Variants in PCDHA10 observed in about 807,000 individuals in gnomAD.
PCDHA10 encodes protocadherin alpha 10.
A neutral mutation model predicts 61.2 loss-of-function variants in PCDHA10; 45 were observed. The observed-to-expected ratio is 0.74, with a 90% CI of 0.58 to 0.94. PCDHA10 has a LOEUF of 0.94. Ranked by LOEUF, PCDHA10 falls within the 40% of genes least tolerant of loss-of-function variation. The pLI is 0.00. For synonymous variants in PCDHA10, 602 were observed against 548.8 expected (o/e 1.10, Z -1.35); for missense variants, 1,278 against 1,236.2 (o/e 1.03, Z -0.51).
intron 1 of PCDHA10, chr5:140,884,108 G>A (rs782424793): frequency 3.1e-6 from 5 of 1,613,286 alleles, no homozygotes; most frequent in Admixed American, 3.3e-5. Context: ...ATTGCAGCTG[G>A]CGGCGGTCGG....
intron 1 of PCDHA10, chr5:140,966,905 T>C (rs1554228876): frequency 1.9e-6 from 3 of 1,600,790 alleles, no homozygotes; most frequent in Non-Finnish European, 2.5e-6. Flanking sequence ...GCTGCGATAC[T>C]CTGTGCCAGA....
At chr5:140,914,670 C>T (rs554633450) in intron 1 of PCDHA10, among the ~76,000 whole-genome samples, 85 of 152,088 alleles carry the variant, frequency 5.6e-4, no homozygotes, top group African/African-American at 2.0e-3. Context: ...TCTTCTTTTT[C>T]ATGAAAATAA....
At chr5:140,926,749 G>C (rs541261946) in intron 1 of PCDHA10, 4 of 1,237,260 alleles carry the variant, frequency 3.2e-6, no homozygotes, top group Non-Finnish European at 3.1e-6. Context: ...CAACGTCGGC[G>C]GTCGCTGAGT....
chr5:140,967,555 C>T, intron 1 of PCDHA10: 4 of 1,614,008 alleles, frequency 2.5e-6, no homozygotes, highest in Non-Finnish European at 3.4e-6. Flanking sequence ...CCACTTATCG[C>T]GTCCAGCTAC....
chr5:140,891,056 T>C (rs2062933451), intron 1 of PCDHA10, among the ~76,000 whole-genome samples: 1 of 152,196 alleles, frequency 6.6e-6, no homozygotes, highest in Non-Finnish European at 1.5e-5. Context: ...CAGCACATAG[T>C]AAATATTATT....
Position 140,900,863 on chromosome 5 carries a change from G to A in PCDHA10, c.2388+42427G>A, listed in dbSNP as rs116648446. 4.1e-3 allele frequency among the ~76,000 whole-genome samples: 626 copies of A among 152,044 alleles called. 2 individuals are homozygous for A. Among genetic ancestry groups the A allele is most frequent in the African/African-American group, 0.014 (595 of 41,452 alleles). Reference sequence around the variant, plus strand: ...AGTTTCCCTTTTTTTCACCTCTCCAGCATTTTTTATTGCCTGTCATTTGGA... The same window carrying A: ...AGTTTCCCTTTTTTTCACCTCTCCAACATTTTTTATTGCCTGTCATTTGGA... On this transcript the variant is annotated intron_variant, in intron 1 of 3. Transcript: ENST00000307360.
intron 3 of PCDHA10, among the ~76,000 whole-genome samples, chr5:140,988,416 A>G (rs1462025901): frequency 6.6e-6 from 1 of 152,118 alleles, no homozygotes; most frequent in Non-Finnish European, 1.5e-5. Flanking sequence ...AGCTTATGTA[A>G]AGAATTTGTT....
intron 1 of PCDHA10, chr5:140,928,280 C>T (rs781831365): frequency 6.2e-7 from 1 of 1,614,076 alleles, no homozygotes; most frequent in African/African-American, 1.3e-5. Context: ...CCTGGGGCCT[C>T]TCTAGGCCGA....
chr5:140,880,747 T>C (rs555658670), intron 1 of PCDHA10, among the ~76,000 whole-genome samples: 16 of 152,334 alleles, frequency 1.1e-4, no homozygotes, highest in African/African-American at 3.8e-4. Context: ...GGATTGTCAG[T>C]GTAACTGCGT....
intron 1 of PCDHA10, chr5:140,967,728 G>T: frequency 6.2e-7 from 1 of 1,614,176 alleles, no homozygotes; most frequent in East Asian, 2.2e-5. Context: ...CGAGTAATTG[G>T]GGGGCTGGAT....
At chr5:140,985,373 C>T (rs1228293287) in intron 3 of PCDHA10, among the ~76,000 whole-genome samples, 1 of 152,106 alleles carries the variant, frequency 6.6e-6, no homozygotes, top group Non-Finnish European at 1.5e-5. Flanking sequence ...TTATCTGGGT[C>T]TATATAATCC....
intron 1 of PCDHA10, among the ~76,000 whole-genome samples, chr5:140,914,464 A>T (rs923814955): frequency 5.9e-5 from 9 of 152,130 alleles, no homozygotes; most frequent in Non-Finnish European, 1.3e-4. Flanking sequence ...GTCTATGTGT[A>T]TCTTCATAGG....
At position 140,857,364 on chromosome 5, in the gene PCDHA10, G is replaced by A. The variant is rs1464300143; in HGVS notation, c.1316G>A (p.Ser439Asn). The A allele has an allele frequency of 2.5e-6, 4 of 1,598,296 alleles. No individual in the cohort carries two copies. In the East Asian group the frequency reaches 8.9e-5, roughly 36 times the overall value. The change falls in exon 1 of 4, where the codon AGC becomes AAC. Residue 439 changes from serine (S) to asparagine (N), a missense_variant. Physicochemically the swap from Ser to Asn is conservative, Grantham distance 46 (BLOSUM62 1). Coordinates refer to ENST00000307360, the MANE Select transcript of PCDHA10 (RefSeq NM_018901.4). ...GGSPPLWATA[S>N]VSVEVADVND... ...TCGCCTCCGCTGTGGGCCACGGCCA[G>A]CGTGTCTGTGGAGGTGGCCGACGTG...
At chr5:140,928,585 G>A (rs1554206029) in intron 1 of PCDHA10, 1 of 1,614,194 alleles carries the variant, frequency 6.2e-7, no homozygotes, top group Admixed American at 1.7e-5. Context: ...AAATGGTTCT[G>A]TCCCAGTGGA....
chr5:140,999,877 G>A (rs1194481133), intron 3 of PCDHA10, among the ~76,000 whole-genome samples: 1 of 152,152 alleles, frequency 6.6e-6, no homozygotes, highest in Admixed American at 6.5e-5. Flanking sequence ...CTGAAAATTA[G>A]CCCAGCTGTA....
chr5:140,967,140 C>T (rs781814682), intron 1 of PCDHA10: 4 of 1,611,022 alleles, frequency 2.5e-6, no homozygotes, highest in East Asian at 2.2e-5. Flanking sequence ...GAAGTGCTGG[C>T]GCACAACCCC....
intron 3 of PCDHA10, among the ~76,000 whole-genome samples, chr5:140,994,709 A>C (rs1436733940): frequency 6.6e-6 from 1 of 152,166 alleles, no homozygotes; most frequent in Non-Finnish European, 1.5e-5. Flanking sequence ...TGTCTCAAAA[A>C]AAAATTTAAA....
chr5:140,900,081 G>T (rs1306300563), intron 1 of PCDHA10, among the ~76,000 whole-genome samples: 1 of 152,062 alleles, frequency 6.6e-6, no homozygotes, highest in African/African-American at 2.4e-5. Context: ...AAGTGCTGCA[G>T]TTACAAGCAT....
rs894945353 is a variant in PCDHA10 at position 140,936,140 on chromosome 5, G to A, written c.2389-42809G>A. ...ACTCCTGACCTTAAGTGATCTGCCC[G>A]CCTTGGCCTCCTAAAGTGCTGGGAT... is the stretch of plus-strand genomic sequence containing the variant. On this transcript the variant is annotated intron_variant, in intron 1 of 3. Coordinates refer to ENST00000307360, the MANE Select transcript of PCDHA10 (RefSeq NM_018901.4). 7.2e-5 allele frequency among the ~76,000 whole-genome samples: 11 copies of A among 152,050 alleles called. 1 individual carries two copies. The highest frequency in any genetic ancestry group is 6.6e-4 in the Admixed American group (10 of 15,256).
Sources: gnomAD v4.1 joint callset for allele counts (sites outside exome capture counted in the v4.1 genomes callset) on GRCh38, gnomAD v4.1.1 for gene constraint, MANE v1.5 for transcripts, NCBI Gene and HGNC (gene_info 2026-07-23, HGNC 2026-07-21) for gene names.